The following CNTNAP2 variants were observed in gnomAD, a reference collection of about 807,000 sequenced individuals.
The protein encoded by CNTNAP2 is contactin-associated protein-like 2.
CNTNAP2 carries 98 observed loss-of-function variants against 155.2 expected under a neutral mutation model. The observed-to-expected ratio is 0.63, with a 90% CI of 0.54 to 0.75. The LOEUF (loss-of-function observed/expected upper bound fraction) is 0.75, where lower values mean the gene tolerates loss of function less well. Ranked by LOEUF, CNTNAP2 falls within the 30% of genes least tolerant of loss-of-function variation. The pLI is 0.00. For synonymous variants in CNTNAP2, 651 were observed against 631.2 expected (o/e 1.03, Z -0.47); for missense variants, 1,727 against 1,688.1 (o/e 1.02, Z -0.40).
At chr7:147,208,738 T>C (rs1486268072) in intron 8 of CNTNAP2, among the ~76,000 whole-genome samples, 1 of 152,038 alleles carries the variant, frequency 6.6e-6, no homozygotes, top group Non-Finnish European at 1.5e-5. Context: ...TGTGTATGAT[T>C]ATGAAGGGCA....
intron 9 of CNTNAP2, among the ~76,000 whole-genome samples, chr7:147,374,875 C>T (rs534966510): frequency 1.3e-5 from 2 of 152,088 alleles, no homozygotes; most frequent in African/African-American, 2.4e-5. Flanking sequence ...CACATATTTA[C>T]TCAGTTCATC....
intron 1 of CNTNAP2, among the ~76,000 whole-genome samples, chr7:146,361,467 T>G (rs764160772): frequency 5.3e-5 from 8 of 152,212 alleles, no homozygotes; most frequent in Non-Finnish European, 1.2e-4. Flanking sequence ...GTCTTAATCC[T>G]GTTTTGAACT....
At chr7:147,274,906 A>G (rs1163098724) in intron 8 of CNTNAP2, among the ~76,000 whole-genome samples, 1 of 151,858 alleles carries the variant, frequency 6.6e-6, no homozygotes. Flanking sequence ...AATTTTCTCA[A>G]CACCATTTAT....
At chr7:147,987,761 C>A (rs368554023) in intron 15 of CNTNAP2, among the ~76,000 whole-genome samples, 13 of 152,276 alleles carry the variant, frequency 8.5e-5, no homozygotes, top group East Asian at 1.9e-4. Context: ...GTGGCATGAC[C>A]TTGGCTCACT....
At chr7:147,234,096 T>C (rs2116623357) in intron 8 of CNTNAP2, among the ~76,000 whole-genome samples, 1 of 151,918 alleles carries the variant, frequency 6.6e-6, no homozygotes, top group African/African-American at 2.4e-5. Context: ...CATTTGATTT[T>C]ATAACCTCAA....
intron 1 of CNTNAP2, among the ~76,000 whole-genome samples, chr7:146,185,320 T>C (rs1164764938): frequency 6.6e-6 from 1 of 152,178 alleles, no homozygotes; most frequent in East Asian, 1.9e-4. Flanking sequence ...AACTGCAGAC[T>C]AAATCAGGCC....
chr7:146,157,269 A>G (rs1798141284), intron 1 of CNTNAP2, among the ~76,000 whole-genome samples: 1 of 152,170 alleles, frequency 6.6e-6, no homozygotes, highest in South Asian at 2.1e-4. Flanking sequence ...TAATAACATT[A>G]AAGCAGAAGG....
chr7:147,077,425 A>G (rs1800019306), intron 4 of CNTNAP2, among the ~76,000 whole-genome samples: 1 of 152,164 alleles, frequency 6.6e-6, no homozygotes, highest in Non-Finnish European at 1.5e-5. Context: ...ATTCAACTTC[A>G]CAAAAGGAAA....
chr7:146,533,759 A>G (rs1246826515), intron 1 of CNTNAP2, among the ~76,000 whole-genome samples: 1 of 152,052 alleles, frequency 6.6e-6, no homozygotes, highest in Non-Finnish European at 1.5e-5. Flanking sequence ...TTCCAAGTGG[A>G]TGGGAGACCA....
intron 10 of CNTNAP2, among the ~76,000 whole-genome samples, chr7:147,422,235 G>A (rs826648): frequency 0.35 from 52,443 of 147,838 alleles, 9,371 homozygotes; most frequent in Admixed American, 0.39. Flanking sequence ...TATATAGTGT[G>A]TATATAGTAT....
chr7:147,333,295 G>A (rs888575693), intron 9 of CNTNAP2, among the ~76,000 whole-genome samples: 1 of 152,162 alleles, frequency 6.6e-6, no homozygotes, highest in African/African-American at 2.4e-5. Context: ...TCGGCGTTCT[G>A]ATTCTTATCT....
chr7:146,513,051 T>A (rs1278183278), intron 1 of CNTNAP2, among the ~76,000 whole-genome samples: 1 of 151,990 alleles, frequency 6.6e-6, no homozygotes, highest in East Asian at 1.9e-4. Flanking sequence ...ATCTTCTTTG[T>A]GTCTTTTTAC....
At chr7:147,682,652 T>TCA (rs1044522429) in intron 13 of CNTNAP2, among the ~76,000 whole-genome samples, 9 of 151,676 alleles carry the variant, frequency 5.9e-5, no homozygotes. Flanking sequence ...CATTTACAGC[T>TCA]CACACACATC....
At chr7:146,125,581 C>CAAAAA (rs57234097) in intron 1 of CNTNAP2, among the ~76,000 whole-genome samples, 7 of 58,870 alleles carry the variant, frequency 1.2e-4, no homozygotes, top group African/African-American at 2.5e-4. Context: ...ACTCCGTCTC[C>CAAAAA]AAAAAAAAAA....
chr7:147,568,563 G>A (rs918764500), intron 12 of CNTNAP2, among the ~76,000 whole-genome samples: 1 of 152,052 alleles, frequency 6.6e-6, no homozygotes, highest in Non-Finnish European at 1.5e-5. Flanking sequence ...AGATCTTAGG[G>A]TACATGATAA....
At chr7:146,923,609 CTTT>C (rs544591398) in intron 3 of CNTNAP2, among the ~76,000 whole-genome samples, 176 of 152,274 alleles carry the variant, frequency 1.2e-3, no homozygotes, top group African/African-American at 3.3e-3. Context: ...AGATCTCACT[CTTT>C]AGTGGCTGTT....
intron 9 of CNTNAP2, among the ~76,000 whole-genome samples, chr7:147,324,954 T>C (rs116031333): frequency 0.011 from 1,651 of 152,186 alleles, 29 homozygotes; most frequent in African/African-American, 0.038. Flanking sequence ...GGCAGAAGTG[T>C]GGAAAGGCAG....
At chr7:147,745,776 G>C (rs1191887983) in intron 13 of CNTNAP2, among the ~76,000 whole-genome samples, 1 of 152,214 alleles carries the variant, frequency 6.6e-6, no homozygotes, top group Non-Finnish European at 1.5e-5. Flanking sequence ...AAGGAGGTCA[G>C]GGGCATGCAA....
chr7:147,828,993 A>T (rs1175003977), intron 13 of CNTNAP2, among the ~76,000 whole-genome samples: 1 of 152,128 alleles, frequency 6.6e-6, no homozygotes, highest in Non-Finnish European at 1.5e-5. Flanking sequence ...TTTCTAATAC[A>T]ACTTTGATAT....
Sources: gnomAD v4.1 joint callset for allele counts (sites outside exome capture counted in the v4.1 genomes callset) on GRCh38, gnomAD v4.1.1 for gene constraint, MANE v1.5 for transcripts, NCBI Gene and HGNC (gene_info 2026-07-23, HGNC 2026-07-21) for gene names.